Variants in TNFAIP2 observed in about 807,000 individuals in gnomAD.
The protein encoded by TNFAIP2 is tumor necrosis factor alpha-induced protein 2.
TNFAIP2 carries 47 observed loss-of-function variants against 63.5 expected under a neutral mutation model. The ratio of observed to expected loss-of-function variants is 0.74; its 90% CI spans 0.59 to 0.94. The LOEUF is 0.94. TNFAIP2 is among the 40% of genes least tolerant of loss of function. TNFAIP2 has a pLI of 0.00. For missense variants in TNFAIP2, 787 were observed against 850.2 expected (o/e 0.93, Z 0.92); for synonymous variants, 405 against 390.2 (o/e 1.04, Z -0.45).
chr14:103,121,850 G>C (rs1187663000), upstream of TNFAIP2, among the ~76,000 whole-genome samples: 1 of 130,034 alleles, frequency 7.7e-6, no homozygotes, highest in African/African-American at 2.8e-5. Flanking sequence ...GACTTCCCGA[G>C]CAATTTCCCG....
chr14:103,135,656 G>T lies in TNFAIP2; in HGVS notation c.*296G>T, dbSNP rs2088079724. 1 of 1,279,946 alleles carries T rather than the reference G, an allele frequency of 7.8e-7. No individual in the cohort carries two copies. Among genetic ancestry groups the T allele is most frequent in the African/African-American group, 1.5e-5 (1 of 65,712 alleles). The allele number at this position is 1,279,946 out of a possible 1,614,324, so 79.3% of individuals were successfully genotyped here. Reference sequence around the variant, plus strand: ...GTGCACGCAAGGAAAGAACCAGGAGGGAGAGTGCAGCCAGGCTCAGGGATC... The same window carrying T: ...GTGCACGCAAGGAAAGAACCAGGAGTGAGAGTGCAGCCAGGCTCAGGGATC... On this transcript the variant is annotated 3_prime_UTR_variant, in exon 12 of 12. Transcript: ENST00000560869. The surrounding 1 kb of genome is among the most constrained non-coding windows in gnomAD (Gnocchi z 7.6).
At chr14:103,126,941 G>T in intron 2 of TNFAIP2, 64 bp from the exon 3 acceptor site, 1 of 1,315,672 alleles carries the variant, frequency 7.6e-7, no homozygotes. Flanking sequence ...CCCGCTTGGC[G>T]CTGGCCGCCC....
chr14:103,126,685 C>A lies in TNFAIP2; in HGVS notation c.228C>A (p.Pro76=). 6.4e-7 allele frequency: 1 copy of A among 1,558,242 alleles called. No homozygotes were observed. The highest frequency in any genetic ancestry group is 8.7e-7 in the Non-Finnish European group (1 of 1,150,828). ...CCAGGCAGGGGCTGGATGGCCCGCC[C>A]CCCACAGGTGCTCTAGGACCCTGGG... is the stretch of plus-strand genomic sequence containing the variant. ...AGSRQGLDGP[P]PTVEELKAAL... Residue 76 remains proline (P), a synonymous_variant, in exon 2 of 12, where the codon CCC becomes CCA. Transcript: ENST00000560869.
At chr14:103,126,806 T>C (rs2087863744) in intron 2 of TNFAIP2, 114 bp downstream of exon 2, 8 of 1,342,358 alleles carry the variant, frequency 6.0e-6, no homozygotes, top group East Asian at 5.0e-5. Context: ...AAGGCGCGTC[T>C]GTCTCCCTGC....
At chr14:103,129,690 T>C in intron 3 of TNFAIP2, 50 bp from the exon 4 acceptor site, 3 of 1,541,050 alleles carry the variant, frequency 1.9e-6, no homozygotes, top group Non-Finnish European at 2.7e-6. Flanking sequence ...GCTTGAGTGG[T>C]GGTGCTGATT....
Position 103,127,396 on chromosome 14 carries a change from C to A in TNFAIP2, c.627C>A (p.Gly209=). 6.5e-7 allele frequency: 1 copy of A among 1,542,256 alleles called. No homozygotes were observed. The stretch of plus-strand genomic sequence containing the variant: ...GCATGGGCCAGCGGCCGGCCGCGGG[C>A]GCCGAGGTCCCCGAGAGCGTCTTTC... The part of the protein sequence containing the change: ...EERMGQRPAA[G]AEVPESVFLH... Residue 209 remains glycine, a synonymous_variant, in exon 3 of 12, where the codon GGC becomes GGA. Transcript: ENST00000560869. This position sits in a 1 kb window ranked among gnomAD's most constrained non-coding sequence, Gnocchi z 5.1.
In TNFAIP2 at chr14:103,127,335, T is replaced by C. The variant is rs2087879287; in HGVS notation, c.566T>C (p.Leu189Pro). 14 of 1,125,676 alleles carry C rather than the reference T, an allele frequency of 1.2e-5. No homozygotes were observed. Among genetic ancestry groups the C allele is most frequent in the Non-Finnish European group, 1.5e-5 (14 of 917,432 alleles). The allele number at this position is 1,125,676 out of a possible 1,614,324, so 69.7% of individuals were successfully genotyped here. A position where few individuals can be genotyped will look rare whatever the true frequency, so the allele number is the denominator to read the frequency against. The change falls in exon 3 of 12, where the codon CTG (leucine) becomes CCG (proline). Residue 189 changes from leucine (L) to proline (P), a missense_variant. Transcript: ENST00000560869. The surrounding 1 kb of genome is among the most constrained non-coding windows in gnomAD (Gnocchi z 5.1). ...ACGCGCCCGCGGCGCTGGCTGCAGC[T>C]GTGGCGGCGCGGCGTGGCGGAGGCG... ...AATRPRRWLQ[L>P]WRRGVAEAAE...
rs1447449962 is a variant in TNFAIP2, at chr14:103,126,344, A to C, written c.-114A>C. The C allele has an allele frequency of 4.2e-6, 3 of 721,816 alleles. No homozygotes were observed. The highest frequency in any genetic ancestry group is 6.9e-6 in the Non-Finnish European group (3 of 436,240). 44.7% of individuals were successfully genotyped at this position (721,816 alleles called of 1,614,324 possible). On this transcript the variant is annotated 5_prime_UTR_variant, in exon 2 of 12. An upstream start codon of the reference 5' UTR is lost. Transcript: ENST00000560869. ...GGCCTGAACCAGGGTGATGCTGAAG[A>C]TGATGACCTTCTTCCAAGGCCTCTA... is the stretch of plus-strand genomic sequence containing the variant.
chr14:103,128,170 G>A (rs2087900405), intron 3 of TNFAIP2, among the ~76,000 whole-genome samples: 1 of 152,196 alleles, frequency 6.6e-6, no homozygotes, highest in East Asian at 1.9e-4. Context: ...GAAGGTGAGA[G>A]GAAGGTCGGT....
chr14:103,124,259 C>T (rs1478237710), intron 1 of TNFAIP2: 1 of 152,522 alleles, frequency 6.6e-6, no homozygotes, highest in Non-Finnish European at 1.5e-5. Flanking sequence ...GGGTCCTCAT[C>T]CCCTTTTCAA....
chr14:103,130,925 C>T, intron 6 of TNFAIP2, 127 bp from the exon 7 acceptor site: 1 of 918,528 alleles, frequency 1.1e-6, no homozygotes, highest in Non-Finnish European at 1.7e-6. Flanking sequence ...GCTAGCGGCC[C>T]CTCCCTTGGC....
rs1239147271 is a variant in TNFAIP2 at position 103,135,993 on chromosome 14, T to C, written c.*633T>C. 5.4e-6 allele frequency: 7 copies of C among 1,288,716 alleles called. No individual in the cohort carries two copies. The South Asian group carries it at 7.4e-5, about 14-fold the overall frequency. The allele number at this position is 1,288,716 out of a possible 1,614,324, so 79.8% of individuals were successfully genotyped here. A position where few individuals can be genotyped will look rare whatever the true frequency, so the allele number is the denominator to read the frequency against. ...CGGCCCCTACAGGCTGGCCCTGCAATGGGGCCCTGAGCCCTCCCTCTTCAT... is the reference window on the plus strand; with the variant it reads ...CGGCCCCTACAGGCTGGCCCTGCAACGGGGCCCTGAGCCCTCCCTCTTCAT... On this transcript the variant is annotated 3_prime_UTR_variant, in exon 12 of 12. Transcript: ENST00000560869. This position sits in a 1 kb window ranked among gnomAD's most constrained non-coding sequence, Gnocchi z 7.6.
At chr14:103,133,925 C>G in intron 11 of TNFAIP2, 122 bp downstream of exon 11, 1 of 1,272,702 alleles carries the variant, frequency 7.9e-7, no homozygotes, top group Non-Finnish European at 1.0e-6. Flanking sequence ...TGAACCTCAC[C>G]AGGGGCTCAT....
At chr14:103,130,993 T>G (rs577188493) in intron 6 of TNFAIP2, 59 bp from the exon 7 acceptor site, 1 of 1,566,796 alleles carries the variant, frequency 6.4e-7, no homozygotes, top group South Asian at 1.1e-5. Flanking sequence ...GCAGGGAGGC[T>G]GCTGCTGTGG....
In TNFAIP2 at chr14:103,130,441, C is replaced by A. The variant is rs2234134; in HGVS notation, c.1199+26C>A. On this transcript the variant is annotated intron_variant, in intron 6 of 11. Transcript: ENST00000560869. ...GTGGGTGTGTGCCCAGGATGGGGTC[C>A]CTGTAGCCACCGCTCTCAGAGCCAC... The A allele has an allele frequency of 6.2e-4, 957 of 1,547,784 alleles. 1 individual carries two copies. Among genetic ancestry groups the A allele is most frequent in the Admixed American group, 1.3e-3 (65 of 51,046 alleles).
chr14:103,131,291 T>TGCA lies in TNFAIP2; in HGVS notation c.1298+154_1298+156dup, dbSNP rs914073028. The TGCA allele has an allele frequency of 5.5e-5, 49 of 886,144 alleles. No homozygotes were observed. Among genetic ancestry groups the TGCA allele is most frequent in the Admixed American group, 3.8e-4 (17 of 45,202 alleles). 54.9% of individuals were successfully genotyped at this position (886,144 alleles called of 1,614,324 possible). ...CAACATGTGTGAGGACTCCACGGCCTGCAGCAGCAGCAGCAAACATTTCCC... is the reference window on the plus strand; with the variant it reads ...CAACATGTGTGAGGACTCCACGGCCTGCAGCAGCAGCAGCAGCAAACATTTCCC... On this transcript the variant is annotated intron_variant, in intron 7 of 11. Coordinates refer to ENST00000560869, the MANE Select transcript of TNFAIP2 (RefSeq NM_006291.4). The surrounding 1 kb of genome is among the most constrained non-coding windows in gnomAD (Gnocchi z 4.0).
At position 103,131,631 on chromosome 14, in the gene TNFAIP2, C is replaced by T. The variant is rs1174349210; in HGVS notation, c.1299-8C>T. On this transcript the variant is annotated splice_region_variant and splice_polypyrimidine_tract_variant and intron_variant, in intron 7 of 11. Transcript: ENST00000560869. This position sits in a 1 kb window ranked among gnomAD's most constrained non-coding sequence, Gnocchi z 4.0. The stretch of plus-strand genomic sequence containing the variant: ...GGCTGGGGTGACCTCTCTGCCTCCA[C>T]CTTCCAGGATGTCCATGGAGCAGAA... 6 of 1,587,468 alleles carry T rather than the reference C, an allele frequency of 3.8e-6. No individual in the cohort carries two copies. The highest frequency in any genetic ancestry group is 5.1e-6 in the Non-Finnish European group (6 of 1,172,986).
In TNFAIP2 at chr14:103,130,121, C is replaced by T; in HGVS notation, c.1095C>T (p.Ile365=). 6.2e-7 allele frequency: 1 copy of T among 1,612,504 alleles called. No individual in the cohort carries two copies. Among genetic ancestry groups the T allele is most frequent in the Non-Finnish European group, 8.5e-7 (1 of 1,179,286 alleles). ...HCHSELAIDI[I]QITSQAQAKA... ...ACAGCGAGCTGGCCATCGACATCAT[C>T]CAGGTACTGCAATCTGCCCCAGGGC... Residue 365 remains isoleucine (I), a synonymous_variant, in exon 5 of 12, where the codon ATC becomes ATT. Transcript: ENST00000560869.
At chr14:103,129,883 C>T (rs764765277) in intron 4 of TNFAIP2, 29 bp downstream of exon 4, 23 of 1,609,606 alleles carry the variant, frequency 1.4e-5, no homozygotes, top group Non-Finnish European at 1.9e-5. Flanking sequence ...CAGGGAGGGG[C>T]AGGGAGGCAG....
Sources: gnomAD v4.1 joint callset for allele counts (sites outside exome capture counted in the v4.1 genomes callset) on GRCh38, gnomAD v4.1.1 for gene constraint, Gnocchi (gnomAD v3.1) non-coding constraint, MANE v1.5 for transcripts, NCBI Gene and HGNC (gene_info 2026-07-23, HGNC 2026-07-21) for gene names.